GRIA4: variants seen among roughly 807,000 people sequenced by gnomAD.
The protein encoded by GRIA4 is glutamate ionotropic receptor AMPA type subunit 4, also known as glutamate receptor 4.
GRIA4 carries 34 observed loss-of-function variants against 104.0 expected under a neutral mutation model. The ratio of observed to expected loss-of-function variants is 0.33; its 90% CI spans 0.25 to 0.44. GRIA4 has a LOEUF of 0.44. GRIA4 is among the 20% of genes least tolerant of loss of function. The probability of loss-of-function intolerance (pLI) is 1.00; values close to 1 mark genes in which losing one functional copy is unlikely to be tolerated. For missense variants in GRIA4, 750 were observed against 1,096.5 expected, an observed-to-expected ratio of 0.68 and a Z score of 4.46; for synonymous variants, 386 against 381.9, an observed-to-expected ratio of 1.01 and a Z score of -0.13.
In GRIA4 at chr11:105,766,751, A is replaced by G. The variant is rs991567019; in HGVS notation, c.487+13531A>G. On this transcript the variant is annotated intron_variant, in intron 4 of 16. Transcript: ENST00000282499. Reference sequence around the variant, plus strand: ...GGCTTCCTAGCTCATTCAGTGTAAAATCAAAGTTCTTATGATGGCAAACCA... The same window carrying G: ...GGCTTCCTAGCTCATTCAGTGTAAAGTCAAAGTTCTTATGATGGCAAACCA... Among the ~76,000 whole-genome samples, 16 of 152,174 alleles carry G rather than the reference A, an allele frequency of 1.1e-4. No homozygotes were observed. The Middle Eastern group carries it at 0.024, about 226-fold the overall frequency.
chr11:105,810,647 G>A (rs141072340), intron 4 of GRIA4, among the ~76,000 whole-genome samples: 21 of 152,256 alleles, frequency 1.4e-4, no homozygotes, highest in African/African-American at 4.8e-4. Context: ...TCCATGAGGA[G>A]CTTTCTCAAA....
rs376124658 is a variant in GRIA4 at position 105,911,775 on chromosome 11, A to AATACATATATATATAT, written c.1269+1233_1269+1234insCATATATATATATATA. The stretch of plus-strand genomic sequence containing the variant: ...AATATTTGCATGGGACTTGAAAAGC[A>AATACATATATATATAT]ATATATATATATATATATATATATA... On this transcript the variant is annotated intron_variant, in intron 10 of 16. Transcript: ENST00000282499. 2.6e-3 allele frequency: 196 copies of AATACATATATATATAT among 74,648 alleles called. 7 individuals carry two copies. Among genetic ancestry groups the AATACATATATATATAT allele is most frequent in the Non-Finnish European group, 4.0e-3 (158 of 39,078 alleles). 4.6% of individuals were successfully genotyped at this position (74,648 alleles called of 1,614,324 possible).
chr11:105,948,899 A>C (rs1338354891), intron 14 of GRIA4, among the ~76,000 whole-genome samples: 2 of 151,638 alleles, frequency 1.3e-5, no homozygotes, highest in Non-Finnish European at 1.5e-5. Context: ...CCAACAGAAT[A>C]ATTTTCTAAA....
chr11:105,732,364 G>A lies in GRIA4; in HGVS notation c.248-20617G>A, dbSNP rs79052363. On this transcript the variant is annotated intron_variant, in intron 3 of 16. Coordinates refer to ENST00000282499, the MANE Select transcript of GRIA4 (RefSeq NM_000829.4). ...AGGGCGTGAACCAGCAGTAGCATTA[G>A]AAGCTGCTGTTGTGTGGAGAGTGTG... 2.7e-4 allele frequency among the ~76,000 whole-genome samples: 41 copies of A among 152,302 alleles called. 1 individual carries two copies. Among genetic ancestry groups the A allele is most frequent in the Admixed American group, 2.4e-3 (37 of 15,292 alleles).
chr11:105,878,171 C>G (rs753674252), intron 5 of GRIA4, among the ~76,000 whole-genome samples: 13 of 152,172 alleles, frequency 8.5e-5, no homozygotes, highest in Non-Finnish European at 1.6e-4. Flanking sequence ...AGTCAGGACC[C>G]TTTTCTGCAG....
At chr11:105,820,993 T>C (rs1418347770) in intron 4 of GRIA4, among the ~76,000 whole-genome samples, 1 of 152,130 alleles carries the variant, frequency 6.6e-6, no homozygotes, top group Non-Finnish European at 1.5e-5. Context: ...GTTTTTGTTA[T>C]TGTTTTTGTG....
chr11:105,662,463 G>T (rs1952041943), intron 3 of GRIA4, among the ~76,000 whole-genome samples: 1 of 151,842 alleles, frequency 6.6e-6, no homozygotes, highest in South Asian at 2.1e-4. Flanking sequence ...TTAGTCTTTG[G>T]TGGGGAGAAG....
intron 4 of GRIA4, among the ~76,000 whole-genome samples, chr11:105,788,440 C>T (rs768070333): frequency 1.6e-4 from 24 of 152,064 alleles, no homozygotes; most frequent in Non-Finnish European, 2.4e-4. Flanking sequence ...ACAGCTGCAA[C>T]GTATGTTTAT....
chr11:105,951,256 G>C (rs1024199209), intron 14 of GRIA4, among the ~76,000 whole-genome samples: 1 of 152,204 alleles, frequency 6.6e-6, no homozygotes, highest in South Asian at 2.1e-4. Flanking sequence ...TCCTGGTCCA[G>C]GCAGGGCATC....
intron 4 of GRIA4, among the ~76,000 whole-genome samples, chr11:105,832,909 T>C (rs1944031159): frequency 6.6e-6 from 1 of 152,100 alleles, no homozygotes. Context: ...CCTTGAGTAA[T>C]GCTATTGAAC....
chr11:105,780,609 A>G (rs1941683307), intron 4 of GRIA4, among the ~76,000 whole-genome samples: 2 of 152,196 alleles, frequency 1.3e-5, no homozygotes, highest in Non-Finnish European at 2.9e-5. Flanking sequence ...TTTAATGTAG[A>G]TATAAAGAAA....
chr11:105,805,602 A>G lies in GRIA4; in HGVS notation c.487+52382A>G, dbSNP rs1472722164. Among the ~76,000 whole-genome samples, 8 of 151,848 alleles carry G rather than the reference A, an allele frequency of 5.3e-5. No homozygotes were observed. In the South Asian group the frequency reaches 1.7e-3, roughly 31 times the overall value. On this transcript the variant is annotated intron_variant, in intron 4 of 16. Coordinates refer to ENST00000282499, the MANE Select transcript of GRIA4 (RefSeq NM_000829.4). The stretch of plus-strand genomic sequence containing the variant: ...TCACCATAAACTAAATGACTGAATT[A>G]GCATAAAAGCCAAAAACAAAAAATT...
In GRIA4 at chr11:105,739,359, G is replaced by C. The variant is rs1939169426; in HGVS notation, c.248-13622G>C. ...TTAGCTCAGATGTCATAAAACTAAA[G>C]AGAAGCATGTGCAGGACTGTACAAG... is the stretch of plus-strand genomic sequence containing the variant. On this transcript the variant is annotated intron_variant, in intron 3 of 16. Coordinates refer to ENST00000282499, the MANE Select transcript of GRIA4 (RefSeq NM_000829.4). Among the ~76,000 whole-genome samples the C allele has an allele frequency of 2.0e-5, 3 of 152,126 alleles. No homozygotes were observed. In the South Asian group the frequency reaches 6.2e-4, roughly 31 times the overall value.
At chr11:105,680,539 C>A (rs1952676626) in intron 3 of GRIA4, among the ~76,000 whole-genome samples, 1 of 152,010 alleles carries the variant, frequency 6.6e-6, no homozygotes, top group East Asian at 1.9e-4. Context: ...TGTGTATGGG[C>A]CAATTGGCAC....
intron 4 of GRIA4, among the ~76,000 whole-genome samples, chr11:105,810,252 C>A (rs968874888): frequency 6.6e-6 from 1 of 152,170 alleles, no homozygotes; most frequent in Non-Finnish European, 1.5e-5. Context: ...AATAGCATGA[C>A]AGCCTTGTTG....
intron 5 of GRIA4, among the ~76,000 whole-genome samples, chr11:105,882,116 A>G (rs666107): frequency 0.38 from 57,496 of 152,072 alleles, 11,011 homozygotes; most frequent in Non-Finnish European, 0.41. Flanking sequence ...TAGAAAAAGA[A>G]GACTAGTGAA....
At chr11:105,658,385 C>T (rs1951907189) in intron 3 of GRIA4, among the ~76,000 whole-genome samples, 2 of 151,664 alleles carry the variant, frequency 1.3e-5, no homozygotes, top group Non-Finnish European at 2.9e-5. Context: ...ATAACAGGAA[C>T]TGATCTTTAA....
intron 3 of GRIA4, among the ~76,000 whole-genome samples, chr11:105,689,400 A>G (rs1361564045): frequency 6.6e-6 from 1 of 152,214 alleles, no homozygotes; most frequent in Admixed American, 6.5e-5. Flanking sequence ...CTAGAAAAGC[A>G]TGATGAGTTG....
chr11:105,834,656 T>C (rs1944107368), intron 4 of GRIA4, among the ~76,000 whole-genome samples: 1 of 151,128 alleles, frequency 6.6e-6, no homozygotes, highest in African/African-American at 2.4e-5. Context: ...CAATGAAACA[T>C]AGAGTTATTT....
Sources: allele counts gnomAD v4.1 joint callset (sites outside exome capture counted in the v4.1 genomes callset), GRCh38; gene constraint gnomAD v4.1.1; transcripts MANE v1.5; gene names NCBI Gene and HGNC (gene_info 2026-07-23, HGNC 2026-07-21).